CNTNAP5: variants seen among roughly 807,000 people sequenced by gnomAD.
CNTNAP5 encodes the protein contactin associated protein family member 5, also known as contactin-associated protein-like 5.
CNTNAP5 carries 72 observed loss-of-function variants against 150.2 expected under a neutral mutation model. That is an observed-to-expected ratio of 0.48 (90% CI 0.40 to 0.58). CNTNAP5 has a LOEUF of 0.58. Ranked by LOEUF, CNTNAP5 falls within the 20% of genes least tolerant of loss-of-function variation. CNTNAP5 has a pLI of 0.00. For synonymous variants in CNTNAP5, 672 were observed against 619.8 expected, an observed-to-expected ratio of 1.08 and a Z score of -1.25; for missense variants, 1,636 against 1,626.2, an observed-to-expected ratio of 1.01 and a Z score of -0.10.
At chr2:124,401,032 A>G (rs2104758456) in intron 3 of CNTNAP5, among the ~76,000 whole-genome samples, 1 of 152,052 alleles carries the variant, frequency 6.6e-6, no homozygotes, top group East Asian at 1.9e-4. Context: ...CCACCACGCT[A>G]ATTTTTGTAT....
At position 124,776,724 on chromosome 2, in the gene CNTNAP5, C is replaced by G. The variant is rs541519756; in HGVS notation, c.2752+3707C>G. Among the ~76,000 whole-genome samples, 4 of 152,184 alleles carry G rather than the reference C, an allele frequency of 2.6e-5. No homozygotes were observed. In the East Asian group the frequency reaches 7.7e-4, roughly 29 times the overall value. On this transcript the variant is annotated intron_variant, in intron 17 of 23. Coordinates refer to ENST00000682447, the MANE Select transcript of CNTNAP5 (RefSeq NM_001367498.1). ...TGTGTCTCACAGTATAGGAAGAGAT[C>G]TATATTCTCTTCACATTGAGAAATA...
intron 1 of CNTNAP5, among the ~76,000 whole-genome samples, chr2:124,121,478 G>A (rs552550566): frequency 4.6e-5 from 7 of 152,272 alleles, no homozygotes; most frequent in Non-Finnish European, 1.0e-4. Flanking sequence ...AGGCAGTGGC[G>A]CTGCAGGAGA....
At chr2:124,786,020 G>A (rs968575635) in intron 17 of CNTNAP5, among the ~76,000 whole-genome samples, 4 of 152,044 alleles carry the variant, frequency 2.6e-5, no homozygotes, top group South Asian at 2.1e-4. Context: ...AGGATTGCTC[G>A]AGCTCAGCGT....
At chr2:124,593,040 G>T (rs1352890155) in intron 11 of CNTNAP5, among the ~76,000 whole-genome samples, 1 of 150,756 alleles carries the variant, frequency 6.6e-6, no homozygotes, top group Non-Finnish European at 1.5e-5. Context: ...TACTTTTGCT[G>T]CTTCTAATTT....
At chr2:124,127,729 A>T (rs1683744535) in intron 1 of CNTNAP5, among the ~76,000 whole-genome samples, 1 of 152,208 alleles carries the variant, frequency 6.6e-6, no homozygotes, top group Non-Finnish European at 1.5e-5. Context: ...CCAATGGAAC[A>T]CAACAGAGCC....
At chr2:124,172,492 C>T (rs1473906737) in intron 1 of CNTNAP5, among the ~76,000 whole-genome samples, 1 of 152,138 alleles carries the variant, frequency 6.6e-6, no homozygotes, top group African/African-American at 2.4e-5. Flanking sequence ...GGCTCACTGC[C>T]ACCTCTGACC....
At chr2:124,506,461 T>A (rs944612094) in intron 8 of CNTNAP5, among the ~76,000 whole-genome samples, 10 of 152,128 alleles carry the variant, frequency 6.6e-5, no homozygotes, top group Non-Finnish European at 1.0e-4. Context: ...ACTCACATAG[T>A]TCAGACTGCT....
intron 12 of CNTNAP5, among the ~76,000 whole-genome samples, chr2:124,635,122 T>C (rs1031397519): frequency 6.6e-6 from 1 of 152,150 alleles, no homozygotes; most frequent in Admixed American, 6.5e-5. Flanking sequence ...TTTAATTAGC[T>C]AACAGTTCCA....
At chr2:124,903,817 G>A (rs1678467689) in intron 22 of CNTNAP5, among the ~76,000 whole-genome samples, 1 of 152,086 alleles carries the variant, frequency 6.6e-6, no homozygotes, top group Non-Finnish European at 1.5e-5. Context: ...ACTTTGGGAG[G>A]CAAACGCAGG....
chr2:124,699,654 C>T (rs533300106), intron 13 of CNTNAP5, among the ~76,000 whole-genome samples: 112 of 152,262 alleles, frequency 7.4e-4, no homozygotes, highest in African/African-American at 2.6e-3. Context: ...ACCATGAATG[C>T]TCTTAGCAAT....
chr2:124,873,722 A>G (rs754753910), intron 21 of CNTNAP5, among the ~76,000 whole-genome samples: 15 of 152,138 alleles, frequency 9.9e-5, no homozygotes, highest in Admixed American at 3.9e-4. Flanking sequence ...GCTACATGGA[A>G]TTAATGATAA....
In CNTNAP5 at chr2:124,431,542, ATAAATAT is replaced by A. The variant is rs1692382207; in HGVS notation, c.530-2939_530-2933del. On this transcript the variant is annotated intron_variant, in intron 4 of 23. Transcript: ENST00000682447. ...ATATATATATATAAAATTTCTTTAT[ATAAATAT>A]TATATATAATTTCTTTATATAAACA... is the stretch of plus-strand genomic sequence containing the variant. 2.1e-5 allele frequency among the ~76,000 whole-genome samples: 3 copies of A among 145,764 alleles called. No homozygotes were observed. The Admixed American group carries it at 2.1e-4, about 10-fold the overall frequency.
intron 1 of CNTNAP5, among the ~76,000 whole-genome samples, chr2:124,165,295 T>C (rs17010944): frequency 0.057 from 8,635 of 152,204 alleles, 445 homozygotes; most frequent in East Asian, 0.24. Flanking sequence ...TCCTTTCTCC[T>C]CTTCTGCAGA....
chr2:124,635,083 G>A (rs1432780629), intron 12 of CNTNAP5, among the ~76,000 whole-genome samples: 1 of 152,148 alleles, frequency 6.6e-6, no homozygotes, highest in Admixed American at 6.5e-5. Flanking sequence ...GGAAATACTT[G>A]AGACTGAGTA....
At chr2:124,602,647 C>T (rs1018890128) in intron 11 of CNTNAP5, among the ~76,000 whole-genome samples, 1 of 152,024 alleles carries the variant, frequency 6.6e-6, no homozygotes, top group African/African-American at 2.4e-5. Context: ...GCACAAGCTA[C>T]GCACCCAGCT....
chr2:124,276,274 C>T (rs770878208), intron 3 of CNTNAP5, among the ~76,000 whole-genome samples: 12 of 152,142 alleles, frequency 7.9e-5, no homozygotes, highest in Non-Finnish European at 1.3e-4. Context: ...AAACTAATAT[C>T]CCATGCCTAA....
chr2:124,667,304 G>A (rs1028532708), intron 13 of CNTNAP5, among the ~76,000 whole-genome samples: 9 of 152,216 alleles, frequency 5.9e-5, no homozygotes, highest in Non-Finnish European at 1.2e-4. Context: ...ATTGTTTAAT[G>A]TACACGTGTG....
chr2:124,679,357 G>A (rs1321784158), intron 13 of CNTNAP5, among the ~76,000 whole-genome samples: 2 of 151,850 alleles, frequency 1.3e-5, no homozygotes, highest in Non-Finnish European at 2.9e-5. Context: ...TGCATTGAAA[G>A]TAATCACTAA....
intron 1 of CNTNAP5, among the ~76,000 whole-genome samples, chr2:124,081,135 A>G (rs1023661724): frequency 6.6e-6 from 1 of 152,180 alleles, no homozygotes; most frequent in African/African-American, 2.4e-5. Flanking sequence ...ATGCCTTACT[A>G]TAAGTAAAAA....
Sources: allele counts gnomAD v4.1 joint callset (sites outside exome capture counted in the v4.1 genomes callset), GRCh38; gene constraint gnomAD v4.1.1; transcripts MANE v1.5; gene names NCBI Gene and HGNC (gene_info 2026-07-23, HGNC 2026-07-21).